Variants in SDK1 observed in about 807,000 individuals in gnomAD.
SDK1 encodes the protein protein sidekick-1.
Under a neutral mutation model 245.5 loss-of-function variants are expected in SDK1, and 157 were observed. That is an observed-to-expected ratio of 0.64 (90% confidence interval 0.56 to 0.73). The LOEUF (loss-of-function observed/expected upper bound fraction) is 0.73. Ranked by LOEUF, SDK1 falls within the 30% of genes least tolerant of loss-of-function variation. The pLI is 0.00. For missense variants in SDK1, 3,583 were observed against 3,002.3 expected (o/e 1.19, Z -4.52); for synonymous variants, 1,647 against 1,278.5 (o/e 1.29, Z -6.15).
intron 4 of SDK1, among the ~76,000 whole-genome samples, chr7:3,801,644 C>G (rs1236807803): frequency 6.6e-6 from 1 of 152,088 alleles, no homozygotes; most frequent in Non-Finnish European, 1.5e-5. Flanking sequence ...TGATAAGGAC[C>G]CTGAGCAAGG....
chr7:3,775,798 G>C (rs1050411665), intron 4 of SDK1, among the ~76,000 whole-genome samples: 1 of 151,796 alleles, frequency 6.6e-6, no homozygotes, highest in Non-Finnish European at 1.5e-5. Flanking sequence ...GGATGGTCTC[G>C]ATCTCCTGAC....
intron 1 of SDK1, among the ~76,000 whole-genome samples, chr7:3,573,846 C>T (rs1447838582): frequency 6.6e-6 from 1 of 152,000 alleles, no homozygotes; most frequent in East Asian, 1.9e-4. Context: ...CCATTTTCTC[C>T]TTCCAGTACT....
At chr7:3,970,520 G>A (rs1024449037) in intron 11 of SDK1, among the ~76,000 whole-genome samples, 1 of 152,176 alleles carries the variant, frequency 6.6e-6, no homozygotes, top group Admixed American at 6.5e-5. Context: ...GCAGTTTTTT[G>A]AACTTTTGTA....
intron 1 of SDK1, among the ~76,000 whole-genome samples, chr7:3,408,587 G>T (rs1024302951): frequency 2.0e-5 from 3 of 152,072 alleles, no homozygotes; most frequent in Non-Finnish European, 4.4e-5. Flanking sequence ...TATTCAAGGG[G>T]ATTTTAGCTT....
intron 4 of SDK1, among the ~76,000 whole-genome samples, chr7:3,650,014 G>A (rs201136067): frequency 1.7e-4 from 24 of 143,240 alleles, no homozygotes; most frequent in Non-Finnish European, 1.2e-4. Flanking sequence ...TTTTTGTTTT[G>A]AAAAAAAAAA....
At chr7:4,086,451 C>T (rs73671531) in intron 22 of SDK1, among the ~76,000 whole-genome samples, 4,810 of 152,178 alleles carry the variant, frequency 0.032, 241 homozygotes, top group African/African-American at 0.11. Context: ...ATTCGGGTTG[C>T]GGCAGAATTC....
At chr7:3,336,328 G>A (rs1000856671) in intron 1 of SDK1, among the ~76,000 whole-genome samples, 3 of 152,176 alleles carry the variant, frequency 2.0e-5, no homozygotes, top group Non-Finnish European at 4.4e-5. Context: ...CTGTCAGGTG[G>A]TGCTGACAGC....
intron 5 of SDK1, among the ~76,000 whole-genome samples, chr7:3,840,908 A>T (rs1325043268): frequency 6.6e-6 from 1 of 152,288 alleles, no homozygotes; most frequent in Middle Eastern, 3.4e-3. Context: ...CTAAAATTTG[A>T]GAAGGACCAC....
intron 30 of SDK1, among the ~76,000 whole-genome samples, chr7:4,157,880 C>G (rs918278682): frequency 1.4e-4 from 21 of 152,128 alleles, no homozygotes; most frequent in Non-Finnish European, 2.6e-4. Context: ...TGCAGCCGGC[C>G]AGGAAGTGGA....
At chr7:3,697,101 C>G (rs185742725) in intron 4 of SDK1, among the ~76,000 whole-genome samples, 16 of 152,170 alleles carry the variant, frequency 1.1e-4, no homozygotes, top group African/African-American at 3.6e-4. Flanking sequence ...CCTTCTCTCG[C>G]CATTTGACTA....
In SDK1 at chr7:3,894,821, C is replaced by T. The variant is rs552364986; in HGVS notation, c.848-56102C>T. 1.1e-4 allele frequency among the ~76,000 whole-genome samples: 17 copies of T among 151,702 alleles called. No homozygotes were observed. In the South Asian group the frequency reaches 1.3e-3, roughly 11 times the overall value. On this transcript the variant is annotated intron_variant, in intron 5 of 44. Coordinates refer to ENST00000404826, the MANE Select transcript of SDK1 (RefSeq NM_152744.4). ...TTAAGCGATTTGTACTTCAGCCTCC[C>T]GAGTAGCTGGTGGCACGTGCCACCA... is the stretch of plus-strand genomic sequence containing the variant.
Position 3,962,670 on chromosome 7 carries a change from C to A in SDK1, c.1248C>A (p.Pro416=). 6.2e-7 allele frequency: 1 copy of A among 1,608,502 alleles called. No homozygotes were observed. Among genetic ancestry groups the A allele is most frequent in the Non-Finnish European group, 8.5e-7 (1 of 1,176,774 alleles). The change falls in exon 9 of 45, where the codon CCC becomes CCA. Residue 416 remains proline (P), a synonymous_variant. Transcript: ENST00000404826. The part of the protein sequence containing the change: ...IGCQAMGVPL[P]TLQWYKDAIS... ...ATTCCTACGCAGGGGTCCCCCTTCC[C>A]ACCCTCCAGTGGTACAAGGATGCCA... is the stretch of plus-strand genomic sequence containing the variant.
intron 4 of SDK1, among the ~76,000 whole-genome samples, chr7:3,718,866 A>T (rs1294084815): frequency 6.6e-6 from 1 of 152,244 alleles, no homozygotes; most frequent in Non-Finnish European, 1.5e-5. Flanking sequence ...TATTGTCTTC[A>T]TTGAAAATCC....
At chr7:4,037,801 G>A (rs966845695) in intron 17 of SDK1, among the ~76,000 whole-genome samples, 5 of 152,096 alleles carry the variant, frequency 3.3e-5, no homozygotes, top group African/African-American at 9.7e-5. Flanking sequence ...CCTTCTCTGC[G>A]AATACAACAA....
At chr7:3,665,293 G>T (rs866114821) in intron 4 of SDK1, among the ~76,000 whole-genome samples, 1 of 152,094 alleles carries the variant, frequency 6.6e-6, no homozygotes, top group Non-Finnish European at 1.5e-5. Context: ...ATATTTTCCC[G>T]TGGCCTCACC....
In SDK1 at chr7:3,484,575, C is replaced by A. The variant is rs1010328846; in HGVS notation, c.299-134505C>A. Among the ~76,000 whole-genome samples the A allele has an allele frequency of 2.0e-5, 3 of 152,160 alleles. No individual in the cohort carries two copies. The South Asian group carries it at 6.2e-4, about 32-fold the overall frequency. ...ACTGTACAATAGTTAACTATGGTCT[C>A]CTGCCAGTGCTGTTGAACACTAGAA... On this transcript the variant is annotated intron_variant, in intron 1 of 44. Transcript: ENST00000404826.
intron 17 of SDK1, among the ~76,000 whole-genome samples, chr7:4,023,262 G>A (rs776281932): frequency 1.3e-5 from 2 of 151,688 alleles, no homozygotes; most frequent in East Asian, 1.9e-4. Flanking sequence ...TTATCTTGTC[G>A]GCCAATCCCA....
At chr7:3,727,768 G>A (rs975236685) in intron 4 of SDK1, among the ~76,000 whole-genome samples, 1 of 152,194 alleles carries the variant, frequency 6.6e-6, no homozygotes. Context: ...TGGGATTGCA[G>A]ACATGAGCCA....
At chr7:4,177,867 T>C (rs1028694550) in intron 34 of SDK1, among the ~76,000 whole-genome samples, 2 of 152,148 alleles carry the variant, frequency 1.3e-5, no homozygotes, top group Non-Finnish European at 2.9e-5. Context: ...GGTCCCATCT[T>C]GGGGGGAGGG....
Sources: gnomAD v4.1 joint callset for allele counts (sites outside exome capture counted in the v4.1 genomes callset) on GRCh38, gnomAD v4.1.1 for gene constraint, MANE v1.5 for transcripts, NCBI Gene and HGNC (gene_info 2026-07-23, HGNC 2026-07-21) for gene names.